CSMD1: variants seen among roughly 807,000 people sequenced by gnomAD.
CSMD1 encodes the protein CUB and sushi domain-containing protein 1.
In CSMD1, 213 loss-of-function variants were observed where a neutral mutation model predicts 417.5. That is an observed-to-expected ratio of 0.51 (90% CI 0.46 to 0.57). The LOEUF is 0.57. Ranked by LOEUF, CSMD1 falls within the 20% of genes least tolerant of loss-of-function variation. The pLI, the probability that CSMD1 is intolerant of heterozygous loss-of-function variation, is 0.00. For synonymous variants in CSMD1, 2,862 were observed against 1,736.8 expected (o/e 1.65, Z -16.11); for missense variants, 6,923 against 4,529.7 (o/e 1.53, Z -15.17).
At chr8:4,724,953 G>A (rs938915604) in intron 1 of CSMD1, among the ~76,000 whole-genome samples, 118 of 152,200 alleles carry the variant, frequency 7.8e-4, no homozygotes, top group African/African-American at 2.7e-3. Context: ...TTGTATAAAT[G>A]ATTCGAGTTT....
intron 50 of CSMD1, among the ~76,000 whole-genome samples, chr8:3,034,689 T>C (rs1391233766): frequency 1.3e-5 from 2 of 152,182 alleles, no homozygotes; most frequent in African/African-American, 2.4e-5. Context: ...TTCTGTTATG[T>C]TCTTACTTTG....
At chr8:4,223,004 T>C (rs992981735) in intron 3 of CSMD1, among the ~76,000 whole-genome samples, 1 of 151,756 alleles carries the variant, frequency 6.6e-6, no homozygotes, top group Non-Finnish European at 1.5e-5. Flanking sequence ...AGCAAATAAA[T>C]AGACAAAAAC....
intron 2 of CSMD1, among the ~76,000 whole-genome samples, chr8:4,620,046 G>C (rs1469752227): frequency 6.6e-6 from 1 of 151,754 alleles, no homozygotes; most frequent in Non-Finnish European, 1.5e-5. Context: ...AGAATAGTAT[G>C]GTGAATGAAA....
intron 3 of CSMD1, among the ~76,000 whole-genome samples, chr8:4,067,074 C>T (rs1451330196): frequency 1.3e-5 from 2 of 152,214 alleles, no homozygotes; most frequent in Non-Finnish European, 2.9e-5. Context: ...GACTGAAATT[C>T]AGACACAGAG....
At chr8:4,173,238 G>A (rs1249927964) in intron 3 of CSMD1, among the ~76,000 whole-genome samples, 2 of 152,154 alleles carry the variant, frequency 1.3e-5, no homozygotes, top group African/African-American at 2.4e-5. Context: ...ATGCAAGCTT[G>A]TCTCACGCAA....
At chr8:4,092,799 T>C (rs559296239) in intron 3 of CSMD1, among the ~76,000 whole-genome samples, 1 of 152,324 alleles carries the variant, frequency 6.6e-6, no homozygotes, top group South Asian at 2.1e-4. Context: ...ATCTATTTTT[T>C]AATAGACCAA....
intron 23 of CSMD1, among the ~76,000 whole-genome samples, chr8:3,316,533 C>T (rs544117910): frequency 4.1e-5 from 4 of 97,450 alleles, no homozygotes; most frequent in Non-Finnish European, 6.8e-5. Context: ...GTGAGCCTTG[C>T]GGGAGAGGGT....
At chr8:3,710,077 T>C (rs780168409) in intron 6 of CSMD1, among the ~76,000 whole-genome samples, 2 of 152,090 alleles carry the variant, frequency 1.3e-5, no homozygotes, top group South Asian at 2.1e-4. Flanking sequence ...ACTTAACATA[T>C]AGACTCATAT....
chr8:4,554,887 G>C (rs150805191), intron 2 of CSMD1, among the ~76,000 whole-genome samples: 111 of 152,286 alleles, frequency 7.3e-4, no homozygotes, highest in Non-Finnish European at 1.4e-3. Context: ...CCCAGGTGGT[G>C]ATGATGGTGT....
chr8:3,711,154 G>T lies in CSMD1; in HGVS notation c.932-2663C>A, dbSNP rs938724798. Among the ~76,000 whole-genome samples, 17 of 152,304 alleles carry T rather than the reference G, an allele frequency of 1.1e-4. No individual in the cohort carries two copies. In the East Asian group the frequency reaches 3.3e-3, roughly 29 times the overall value. ...CTGGGTATTTTAAAAGGGTAAGAGG[G>T]AGAAACGAGAGACTGGAAGGAACAT... On this transcript the variant is annotated intron_variant, in intron 6 of 69. Transcript: ENST00000635120.
At chr8:3,257,318 C>T (rs554530628) in intron 26 of CSMD1, among the ~76,000 whole-genome samples, 2 of 152,210 alleles carry the variant, frequency 1.3e-5, no homozygotes, top group African/African-American at 4.8e-5. Context: ...GAGTGAAACT[C>T]CATCTCAAAA....
At chr8:4,035,977 C>CT (rs578231200) in intron 3 of CSMD1, among the ~76,000 whole-genome samples, 27 of 152,020 alleles carry the variant, frequency 1.8e-4, no homozygotes, top group East Asian at 1.5e-3. Context: ...GAGTGTAACA[C>CT]TTTTTTTTAT....
At chr8:4,910,089 T>G (rs1805563626) in intron 1 of CSMD1, among the ~76,000 whole-genome samples, 1 of 152,256 alleles carries the variant, frequency 6.6e-6, no homozygotes, top group Admixed American at 6.5e-5. Flanking sequence ...AGACTTTACT[T>G]AGGACTGAAT....
chr8:3,532,640 A>G (rs1484132891), intron 10 of CSMD1, among the ~76,000 whole-genome samples: 1 of 152,176 alleles, frequency 6.6e-6, no homozygotes, highest in Non-Finnish European at 1.5e-5. Flanking sequence ...TTTACATTCT[A>G]TTACTCTGAA....
chr8:4,344,634 G>C (rs571476894), intron 3 of CSMD1, among the ~76,000 whole-genome samples: 1 of 151,628 alleles, frequency 6.6e-6, no homozygotes, highest in Non-Finnish European at 1.5e-5. Context: ...CTCAAAGGAA[G>C]GTTTGTTTAA....
chr8:4,043,550 G>A (rs1037245303), intron 3 of CSMD1, among the ~76,000 whole-genome samples: 2 of 152,150 alleles, frequency 1.3e-5, no homozygotes, highest in Non-Finnish European at 2.9e-5. Flanking sequence ...AAGACAAATA[G>A]CTTTATGTGT....
chr8:3,491,255 G>A lies in CSMD1; in HGVS notation c.1448+2368C>T, dbSNP rs117625319. ...GGAGCAGTATCACATCACTGAGTTG[G>A]AATCCCTGCCTCAATGTACACTAGG... On this transcript the variant is annotated intron_variant, in intron 11 of 69. Transcript: ENST00000635120. 1.5e-4 allele frequency among the ~76,000 whole-genome samples: 23 copies of A among 152,230 alleles called. No individual in the cohort carries two copies. In the East Asian group the frequency reaches 3.9e-3, roughly 26 times the overall value.
At chr8:3,324,779 G>A (rs1806415104) in intron 23 of CSMD1, among the ~76,000 whole-genome samples, 1 of 152,150 alleles carries the variant, frequency 6.6e-6, no homozygotes, top group Non-Finnish European at 1.5e-5. Flanking sequence ...TAAAATATCT[G>A]ACGGTGAGTG....
At chr8:3,013,066 G>A (rs1396202620) in intron 52 of CSMD1, among the ~76,000 whole-genome samples, 1 of 152,126 alleles carries the variant, frequency 6.6e-6, no homozygotes, top group Non-Finnish European at 1.5e-5. Flanking sequence ...CAGCCAGGTG[G>A]AACTGTGAGT....
Sources: gnomAD v4.1 joint callset for allele counts (sites outside exome capture counted in the v4.1 genomes callset) on GRCh38, gnomAD v4.1.1 for gene constraint, MANE v1.5 for transcripts, NCBI Gene and HGNC (gene_info 2026-07-23, HGNC 2026-07-21) for gene names.